Variants in OXNAD1 observed in about 807,000 individuals in gnomAD.
The protein encoded by OXNAD1 is oxidoreductase NAD-binding domain-containing protein 1.
Under a neutral mutation model 32.9 loss-of-function variants are expected in OXNAD1, and 34 were observed. The ratio of observed to expected loss-of-function variants is 1.03; its 90% CI spans 0.79 to 1.38. OXNAD1 has a LOEUF of 1.38. Ranked by LOEUF, OXNAD1 falls within the 40% of genes most tolerant of loss-of-function variation. OXNAD1 has a pLI of 0.00. For missense variants in OXNAD1, 407 were observed against 379.4 expected (o/e 1.07, Z -0.60); for synonymous variants, 134 against 135.2 (o/e 0.99, Z 0.06).
chr3:16,307,340 A>C (rs2067632268), downstream of OXNAD1, among the ~76,000 whole-genome samples: 1 of 152,200 alleles, frequency 6.6e-6, no homozygotes, highest in Non-Finnish European at 1.5e-5. Flanking sequence ...GGGGCTCTTA[A>C]CGTGCAAAAA....
Position 16,320,646 on chromosome 3 carries a change from G to T in OXNAD1, c.*31-16466G>T, listed in dbSNP as rs1380616290. 6.6e-6 allele frequency among the ~76,000 whole-genome samples: 1 copy of T among 152,230 alleles called. No individual in the cohort carries two copies. Among genetic ancestry groups the T allele is most frequent in the Non-Finnish European group, 1.5e-5 (1 of 68,050 alleles). ...GGGTAGTACAAAGGAGTCTGGTTTG[G>T]TATAAAAGGAGACAGCACTGTTCTG... On this transcript the variant is annotated intron_variant, in intron 9 of 9. Transcript: ENST00000435829. The surrounding 1 kb of genome is among the most constrained non-coding windows in gnomAD (Gnocchi z 4.5).
intron 9 of OXNAD1, chr3:16,323,350 C>G (rs1194487819): frequency 6.5e-7 from 1 of 1,543,726 alleles, no homozygotes; most frequent in Non-Finnish European, 9.0e-7. Context: ...TGAGGAAAAC[C>G]TAGGAAGGCC....
rs1173423165 is a variant in OXNAD1, at chr3:16,344,223, G to T, written c.*31-4953G>T. Among the ~76,000 whole-genome samples, 1 of 152,076 alleles carries T rather than the reference G, an allele frequency of 6.6e-6. No individual in the cohort carries two copies. The highest frequency in any genetic ancestry group is 1.5e-5 in the Non-Finnish European group (1 of 68,032). ...ATTCCTATTACATTTTATTGGGCTG[G>T]TTTTTGTCCAACATTCATATACTAA... On this transcript the variant is annotated intron_variant, in intron 9 of 9. Transcript: ENST00000606098. This position sits in a 1 kb window ranked among gnomAD's most constrained non-coding sequence, Gnocchi z 4.4.
At position 16,316,577 on chromosome 3, in the gene OXNAD1, A is replaced by C; in HGVS notation, c.*30+12985A>C. 1 of 535,126 alleles carries C rather than the reference A, an allele frequency of 1.9e-6. No individual in the cohort carries two copies. The highest frequency in any genetic ancestry group is 3.3e-6 in the Non-Finnish European group (1 of 299,410). The allele number at this position is 535,126 out of a possible 1,614,324, so 33.1% of individuals were successfully genotyped here. A position where few individuals can be genotyped will look rare whatever the true frequency, so the allele number is the denominator to read the frequency against. On this transcript the variant is annotated intron_variant, in intron 9 of 9. Coordinates refer to the OXNAD1 transcript ENST00000435829. This position sits in a 1 kb window ranked among gnomAD's most constrained non-coding sequence, Gnocchi z 4.5. Reference sequence around the variant, plus strand: ...AGCCAGGACTGGGCCTTCAGCCATGAGGGCTAGAATAACCTGACCTCTTGC... The same window carrying C: ...AGCCAGGACTGGGCCTTCAGCCATGCGGGCTAGAATAACCTGACCTCTTGC...
chr3:16,266,063 C>G (rs1040168310), intron 1 of OXNAD1, among the ~76,000 whole-genome samples: 1 of 152,182 alleles, frequency 6.6e-6, no homozygotes, highest in South Asian at 2.1e-4. Flanking sequence ...AGAAGAAATG[C>G]ATTGTAGTGA....
rs2067044967 is a variant in OXNAD1 at position 16,299,719 on chromosome 3, G to A, written c.433-1907G>A. Among the ~76,000 whole-genome samples the A allele has an allele frequency of 6.6e-6, 1 of 152,186 alleles. No individual in the cohort carries two copies. The highest frequency in any genetic ancestry group is 2.4e-5 in the African/African-American group (1 of 41,446). On this transcript the variant is annotated intron_variant, in intron 6 of 8. Coordinates refer to ENST00000285083, the MANE Select transcript of OXNAD1 (RefSeq NM_138381.5). The surrounding 1 kb of genome is among the most constrained non-coding windows in gnomAD (Gnocchi z 4.4). ...AGGGTTTGGTTCTCAAAAAGCACGC[G>A]ATGTGTTATTACTTCTTAGGAGGGC... is the stretch of plus-strand genomic sequence containing the variant.
intron 5 of OXNAD1, among the ~76,000 whole-genome samples, chr3:16,294,360 G>A (rs960759551): frequency 5.3e-5 from 8 of 151,994 alleles, no homozygotes; most frequent in Admixed American, 2.0e-4. Context: ...GCGTCCCTAC[G>A]CCTGGCTAAT....
downstream of OXNAD1, among the ~76,000 whole-genome samples, chr3:16,342,229 G>A (rs768978259): frequency 6.8e-6 from 1 of 147,340 alleles, no homozygotes; most frequent in Non-Finnish European, 1.5e-5. The surrounding 1 kb of genome is among the most constrained non-coding windows in gnomAD (Gnocchi z 4.0). Context: ...AGGCAACCAC[G>A]AGTCCACTTT....
At chr3:16,326,654 A>C in intron 9 of OXNAD1, 1 of 741,104 alleles carries the variant, frequency 1.3e-6, no homozygotes. Context: ...GAGAGTTTAC[A>C]TAACTACCAG....
rs189226436 is a variant in OXNAD1 at position 16,283,217 on chromosome 3, C to T, written c.184-3125C>T. Among the ~76,000 whole-genome samples the T allele has an allele frequency of 3.9e-5, 6 of 152,258 alleles. No individual in the cohort carries two copies. In the East Asian group the frequency reaches 1.2e-3, roughly 29 times the overall value. The stretch of plus-strand genomic sequence containing the variant: ...TTGCAAGGCTCTGTGAGGGCAGGTG[C>T]AGTCTTCTCTATCTCTGCATACCCT... On this transcript the variant is annotated intron_variant, in intron 4 of 8. Coordinates refer to ENST00000285083, the MANE Select transcript of OXNAD1 (RefSeq NM_138381.5).
Position 16,271,160 on chromosome 3 carries a change from G to A in OXNAD1, c.119+89G>A, listed in dbSNP as rs531346442. The A allele has an allele frequency of 2.3e-5, 33 of 1,459,488 alleles. No homozygotes were observed. Among genetic ancestry groups the A allele is most frequent in the African/African-American group, 1.5e-4 (11 of 71,252 alleles). 90.4% of individuals were successfully genotyped at this position (1,459,488 alleles called of 1,614,324 possible). ...GTTGTGGGAGGCATATCAAACTCCC[G>A]GAAAGGTAACACCTTAGCTTCAATG... On this transcript the variant is annotated intron_variant, in intron 3 of 8. Coordinates refer to ENST00000285083, the MANE Select transcript of OXNAD1 (RefSeq NM_138381.5). The surrounding 1 kb of genome is among the most constrained non-coding windows in gnomAD (Gnocchi z 4.6).
rs1322816693 is a variant in OXNAD1 at position 16,336,479 on chromosome 3, G to T, written c.*31-633G>T. Among the ~76,000 whole-genome samples the T allele has an allele frequency of 6.6e-6, 1 of 152,224 alleles. No homozygotes were observed. On this transcript the variant is annotated intron_variant, in intron 9 of 9. Transcript: ENST00000435829. This position sits in a 1 kb window ranked among gnomAD's most constrained non-coding sequence, Gnocchi z 6.0. ...GGCCTTCCTCACCCTCAGCCTCCCAGGCCTCTGCGGGAGGGAGGGACAGGC... is the reference window on the plus strand; with the variant it reads ...GGCCTTCCTCACCCTCAGCCTCCCATGCCTCTGCGGGAGGGAGGGACAGGC...
chr3:16,294,938 G>C lies in OXNAD1; in HGVS notation c.373G>C (p.Val125Leu). The change falls in exon 6 of 9, where the codon GTG becomes CTG. Residue 125 changes from valine (V) to leucine (L), a missense_variant. Val to Leu is a conservative substitution (Grantham distance 32). Coordinates refer to ENST00000285083, the MANE Select transcript of OXNAD1 (RefSeq NM_138381.5). ...SSPRLLEQER[V>L]IELAVKYTNH... is the part of the protein sequence containing the mutation. ...TCCCAGACTGCTAGAACAAGAGAGA[G>C]TGATAGAATTGGCAGTGAAATATAC... The C allele has an allele frequency of 6.2e-7, 1 of 1,613,176 alleles. No homozygotes were observed. The highest frequency in any genetic ancestry group is 8.5e-7 in the Non-Finnish European group (1 of 1,179,536).
Position 16,302,351 on chromosome 3 carries a change from G to A in OXNAD1, c.676-289G>A, listed in dbSNP as rs1460037335. ...GAAACAGTTAAAAGACACAACTGTGGTCAGTGAAACTGCTGCTTAATTGCC... is the reference window on the plus strand; with the variant it reads ...GAAACAGTTAAAAGACACAACTGTGATCAGTGAAACTGCTGCTTAATTGCC... On this transcript the variant is annotated intron_variant, in intron 7 of 8. Coordinates refer to ENST00000285083, the MANE Select transcript of OXNAD1 (RefSeq NM_138381.5). This position sits in a 1 kb window ranked among gnomAD's most constrained non-coding sequence, Gnocchi z 4.2. 6.6e-6 allele frequency among the ~76,000 whole-genome samples: 1 copy of A among 152,172 alleles called. No individual in the cohort carries two copies. The highest frequency in any genetic ancestry group is 1.5e-5 in the Non-Finnish European group (1 of 68,028).
chr3:16,312,415 G>A lies in OXNAD1; in HGVS notation c.*30+8823G>A, dbSNP rs1186265218. ...CTTCCAGCAGGGCTCTTGGAAACAA[G>A]ATCTGTGGCAACAACTGGGAGTCAG... On this transcript the variant is annotated intron_variant, in intron 9 of 9. Coordinates refer to the OXNAD1 transcript ENST00000435829. The surrounding 1 kb of genome is among the most constrained non-coding windows in gnomAD (Gnocchi z 4.7). Among the ~76,000 whole-genome samples, 1 of 152,204 alleles carries A rather than the reference G, an allele frequency of 6.6e-6. No individual in the cohort carries two copies. Among genetic ancestry groups the A allele is most frequent in the Non-Finnish European group, 1.5e-5 (1 of 68,042 alleles).
At chr3:16,266,117 GTTGATTA>G (rs1307224063) in intron 1 of OXNAD1, among the ~76,000 whole-genome samples, 1 of 152,150 alleles carries the variant, frequency 6.6e-6, no homozygotes, top group African/African-American at 2.4e-5. Flanking sequence ...ATCTTGAGTT[GTTGATTA>G]CCTCTGGCAA....
chr3:16,326,905 G>A, intron 9 of OXNAD1: 2 of 1,566,832 alleles, frequency 1.3e-6, no homozygotes, highest in Non-Finnish European at 1.7e-6. Context: ...CATTAGGGCT[G>A]CTGCTGCCAC....
downstream of OXNAD1, among the ~76,000 whole-genome samples, chr3:16,310,327 TAGGAGGTACCC>T (rs1227239536): frequency 3.3e-5 from 5 of 152,092 alleles, 1 homozygote; most frequent in South Asian, 4.1e-4. Context: ...ATCAACAAGA[TAGGAGGTACCC>T]AGGACTGAAG....
At chr3:16,337,774 C>T (rs1202966079), downstream of OXNAD1, among the ~76,000 whole-genome samples, 1 of 151,680 alleles carries the variant, frequency 6.6e-6, no homozygotes, top group East Asian at 1.9e-4. This position sits in a 1 kb window ranked among gnomAD's most constrained non-coding sequence, Gnocchi z 5.0. Context: ...AAAGTCACCT[C>T]ATTTGATTTG....
Sources: gnomAD v4.1 joint callset for allele counts (sites outside exome capture counted in the v4.1 genomes callset) on GRCh38, gnomAD v4.1.1 for gene constraint, Gnocchi (gnomAD v3.1) non-coding constraint, MANE v1.5 for transcripts, NCBI Gene and HGNC (gene_info 2026-07-23, HGNC 2026-07-21) for gene names.